MYCBP: variants seen among roughly 807,000 people sequenced by gnomAD.
MYCBP encodes the protein C-Myc-binding protein.
Under a neutral mutation model 16.8 loss-of-function variants are expected in MYCBP, and 5 were observed. The ratio of observed to expected loss-of-function variants is 0.30; its 90% confidence interval spans 0.16 to 0.63. The LOEUF (loss-of-function observed/expected upper bound fraction) is 0.63. Among genes scored for constraint, MYCBP ranks in the 20% least tolerant of loss-of-function variants. The probability of loss-of-function intolerance (pLI) is 0.83; values close to 1 mark genes in which losing one functional copy is unlikely to be tolerated. For missense variants in MYCBP, 103 were observed against 121.8 expected, an observed-to-expected ratio of 0.85 and a Z score of 0.73; for synonymous variants, 35 against 43.7, an observed-to-expected ratio of 0.80 and a Z score of 0.79.
intron 4 of MYCBP, among the ~76,000 whole-genome samples, chr1:38,866,092 A>AGGCTG (rs916154292): frequency 5.9e-5 from 4 of 67,956 alleles, no homozygotes; most frequent in Admixed American, 4.4e-4. Flanking sequence ...CTTGTTGCCC[A>AGGCTG]GGCTGGAGTG....
At chr1:38,872,990 G>A (rs763386934) in intron 2 of MYCBP, 28 bp downstream of exon 2, 2 of 1,557,094 alleles carry the variant, frequency 1.3e-6, no homozygotes, top group South Asian at 1.2e-5. Flanking sequence ...ACGAGGGCAC[G>A]AGGTACCCTC....
rs775540156 is a variant in MYCBP at position 38,867,625 on chromosome 1, G to C, written c.89-15C>G. Reference sequence around the variant, plus strand: ...GGCTACCAACACTGCAAATCAAAAAGCAGAAAAAGCAACAATTGACGTATT... The same window carrying C: ...GGCTACCAACACTGCAAATCAAAAACCAGAAAAAGCAACAATTGACGTATT... On this transcript the variant is annotated splice_polypyrimidine_tract_variant and intron_variant, in intron 2 of 4. Transcript: ENST00000397572. The C allele has an allele frequency of 6.8e-6, 11 of 1,611,328 alleles. No homozygotes were observed. In the East Asian group the frequency reaches 2.5e-4, roughly 36 times the overall value.
At chr1:38,869,191 C>T (rs1393908876) in intron 2 of MYCBP, among the ~76,000 whole-genome samples, 10 of 151,234 alleles carry the variant, frequency 6.6e-5, no homozygotes, top group Non-Finnish European at 1.2e-4. Flanking sequence ...CAGGTTCAAG[C>T]GATTCTCCTG....
chr1:38,872,574 T>C (rs1379384266), intron 2 of MYCBP: 2 of 167,406 alleles, frequency 1.2e-5, no homozygotes, highest in Non-Finnish European at 2.6e-5. Context: ...ATCTCCTACT[T>C]TGGGGATTAG....
At chr1:38,867,666 A>G in intron 2 of MYCBP, 56 bp from the exon 3 acceptor site, 1 of 1,483,472 alleles carries the variant, frequency 6.7e-7, no homozygotes, top group South Asian at 1.1e-5. Context: ...TGAATGGCTG[A>G]AATTATGTTC....
In MYCBP at chr1:38,864,731, G is replaced by T; in HGVS notation, c.268-17C>A. On this transcript the variant is annotated splice_polypyrimidine_tract_variant and intron_variant, in intron 4 of 4. Transcript: ENST00000397572. ...CTGAGCAAGCTATGGGGCAAAGACA[G>T]AGGAATTTAGGTGAATTTTATTCTA... The T allele has an allele frequency of 6.2e-7, 1 of 1,611,852 alleles. No individual in the cohort carries two copies. The highest frequency in any genetic ancestry group is 8.5e-7 in the Non-Finnish European group (1 of 1,178,328).
At chr1:38,873,371 T>A, upstream of MYCBP, 1 of 1,564,718 alleles carries the variant, frequency 6.4e-7, no homozygotes, top group African/African-American at 1.3e-5. Flanking sequence ...GCAGCACTGC[T>A]CATGCGCGGA....
rs1440416441 is a variant in MYCBP, at chr1:38,873,029, G to A, written c.77C>T (p.Thr26Met). The A allele has an allele frequency of 6.3e-7, 1 of 1,575,978 alleles. No individual in the cohort carries two copies. ...TAGCCCAGGCTCACCCTTGGTCAGC[G>A]TGTCCAGCACCCCCGACTTCTCCAA... ...RYLEKSGVLDTLTKVLVALYE... is the reference protein window; with the variant it reads ...RYLEKSGVLDMLTKVLVALYE... The change falls in exon 2 of 5, where the codon ACG becomes ATG. Residue 26 changes from threonine to methionine, a missense_variant. By Grantham distance (81) the Thr-to-Met change is moderately conservative. Transcript: ENST00000397572.
Position 38,863,048 on chromosome 1 carries a change from G to A in MYCBP, c.*1622C>T, listed in dbSNP as rs1642273054. 6.6e-6 allele frequency: 1 copy of A among 152,184 alleles called. No individual in the cohort carries two copies. Among genetic ancestry groups the A allele is most frequent in the South Asian group, 2.1e-4 (1 of 4,830 alleles). 9.4% of individuals were successfully genotyped at this position (152,184 alleles called of 1,614,324 possible). A position where few individuals can be genotyped will look rare whatever the true frequency, so the allele number is the denominator to read the frequency against. On this transcript the variant is annotated 3_prime_UTR_variant, in exon 5 of 5. Coordinates refer to ENST00000397572, the MANE Select transcript of MYCBP (RefSeq NM_012333.5). ...CCCACACTGTATTTGATTATATACAGTCTCATAATTAAGTCATTCCTCTTT... is the reference window on the plus strand; with the variant it reads ...CCCACACTGTATTTGATTATATACAATCTCATAATTAAGTCATTCCTCTTT...
intron 2 of MYCBP, among the ~76,000 whole-genome samples, chr1:38,867,931 G>C (rs1642373428): frequency 6.6e-6 from 1 of 152,220 alleles, no homozygotes; most frequent in Admixed American, 6.5e-5. Flanking sequence ...CTGATACCTA[G>C]GGGTTGAGTG....
At chr1:38,869,858 C>T (rs555523144) in intron 2 of MYCBP, among the ~76,000 whole-genome samples, 89 of 102,924 alleles carry the variant, frequency 8.6e-4, no homozygotes, top group Non-Finnish European at 1.5e-3. Context: ...CTGGGCAACA[C>T]CCCAACTCTA....
chr1:38,873,250 C>T (rs1028831260), intron 1 of MYCBP, 41 bp downstream of exon 1: 1 of 1,596,910 alleles, frequency 6.3e-7, no homozygotes, highest in Non-Finnish European at 8.5e-7. Context: ...CAGCGGCTTG[C>T]TACCGCCCGC....
intron 2 of MYCBP, among the ~76,000 whole-genome samples, chr1:38,869,081 GT>G (rs959925576): frequency 3.6e-4 from 50 of 138,972 alleles, no homozygotes; most frequent in Admixed American, 5.0e-4. Context: ...AATTCATTTG[GT>G]TTTTTTTTTT....
intron 2 of MYCBP, among the ~76,000 whole-genome samples, chr1:38,870,546 C>G (rs1372926944): frequency 6.6e-6 from 1 of 151,604 alleles, no homozygotes; most frequent in Non-Finnish European, 1.5e-5. Flanking sequence ...GTAATCCCAG[C>G]ACTTTGGGAG....
At chr1:38,865,893 A>G (rs1031885514) in intron 4 of MYCBP, among the ~76,000 whole-genome samples, 1 of 152,166 alleles carries the variant, frequency 6.6e-6, no homozygotes, top group Non-Finnish European at 1.5e-5. Context: ...TATGAACCAT[A>G]CAAATTCTAA....
chr1:38,872,877 A>C (rs1642495318), intron 2 of MYCBP, 141 bp downstream of exon 2: 7 of 954,924 alleles, frequency 7.3e-6, no homozygotes, highest in Non-Finnish European at 1.1e-5. Flanking sequence ...GTCCCTGCTG[A>C]ACCCCGAGGC....
At chr1:38,867,156 A>G in intron 3 of MYCBP, 147 bp from the exon 4 acceptor site, 1 of 829,554 alleles carries the variant, frequency 1.2e-6, no homozygotes, top group South Asian at 1.8e-5. Context: ...AAGTGAAACT[A>G]ACTTTCTTGG....
At position 38,873,142 on chromosome 1, in the gene MYCBP, A is replaced by G. The variant is rs931468100; in HGVS notation, c.16-52T>C. 5.2e-6 allele frequency: 8 copies of G among 1,552,400 alleles called. No individual in the cohort carries two copies. The African/African-American group carries it at 6.8e-5, about 13-fold the overall frequency. ...CAGAGCCCGGGAGCCGAGCAGGAAG[A>G]AGGCGCTGGGAGTCCGGCAACCCCG... On this transcript the variant is annotated intron_variant, in intron 1 of 4. Coordinates refer to ENST00000397572, the MANE Select transcript of MYCBP (RefSeq NM_012333.5).
intron 2 of MYCBP, among the ~76,000 whole-genome samples, chr1:38,871,834 C>T (rs1642473377): frequency 6.6e-6 from 1 of 152,026 alleles, no homozygotes; most frequent in African/African-American, 2.4e-5. Flanking sequence ...TTATGAGAGC[C>T]GAGACTTTTA....
Sources: allele counts gnomAD v4.1 joint callset (sites outside exome capture counted in the v4.1 genomes callset), GRCh38; gene constraint gnomAD v4.1.1; transcripts MANE v1.5; gene names NCBI Gene and HGNC (gene_info 2026-07-23, HGNC 2026-07-21).